ZFAND3: variants seen among roughly 807,000 people sequenced by gnomAD.
The protein encoded by ZFAND3 is AN1-type zinc finger protein 3.
A neutral mutation model predicts 29.6 loss-of-function variants in ZFAND3; 10 were observed. That is an observed-to-expected ratio of 0.34 (90% CI 0.21 to 0.57). The LOEUF is 0.57. Ranked by LOEUF, ZFAND3 falls within the 20% of genes least tolerant of loss-of-function variation. The pLI is 0.86. For missense variants in ZFAND3, 230 were observed against 304.5 expected (o/e 0.76, Z 1.82); for synonymous variants, 128 against 112.6 (o/e 1.14, Z -0.87).
chr6:37,848,046 A>G (rs1231923548), intron 1 of ZFAND3, among the ~76,000 whole-genome samples: 1 of 152,236 alleles, frequency 6.6e-6, no homozygotes, highest in Non-Finnish European at 1.5e-5. Context: ...TGGAACCTCA[A>G]CTGAGAAAGG....
intron 1 of ZFAND3, among the ~76,000 whole-genome samples, chr6:37,873,111 C>CAAAA (rs754495678): frequency 9.2e-5 from 14 of 151,936 alleles, no homozygotes; most frequent in African/African-American, 1.2e-4. Context: ...CAAAAAAAAC[C>CAAAA]CCCCAAAAAA....
At chr6:37,844,851 A>T (rs969871473) in intron 1 of ZFAND3, among the ~76,000 whole-genome samples, 2 of 135,490 alleles carry the variant, frequency 1.5e-5, no homozygotes, top group African/African-American at 5.7e-5. Flanking sequence ...CGTCTCTACT[A>T]AAAAAAAAAA....
intron 2 of ZFAND3, among the ~76,000 whole-genome samples, chr6:37,973,347 A>G (rs1000833293): frequency 3.9e-5 from 6 of 152,218 alleles, no homozygotes; most frequent in Non-Finnish European, 4.4e-5. Flanking sequence ...TTTAAAAAGC[A>G]TGGATTCATA....
intron 4 of ZFAND3, among the ~76,000 whole-genome samples, chr6:38,093,222 G>C (rs1007976107): frequency 4.6e-5 from 7 of 152,328 alleles, no homozygotes; most frequent in Admixed American, 6.5e-5. Context: ...CAGTGGAATA[G>C]AGAAAGAGAG....
At chr6:38,014,620 GC>G (rs1763222620) in intron 2 of ZFAND3, among the ~76,000 whole-genome samples, 1 of 152,102 alleles carries the variant, frequency 6.6e-6, no homozygotes, top group African/African-American at 2.4e-5. Context: ...AGCCACCATG[GC>G]CAGCCCTAGA....
At chr6:38,029,577 A>T (rs1763510436) in intron 2 of ZFAND3, among the ~76,000 whole-genome samples, 1 of 152,206 alleles carries the variant, frequency 6.6e-6, no homozygotes, top group African/African-American at 2.4e-5. Flanking sequence ...ATGGACACAT[A>T]GCCAAAACAT....
At chr6:38,026,183 T>C (rs1441282405) in intron 2 of ZFAND3, among the ~76,000 whole-genome samples, 1 of 152,164 alleles carries the variant, frequency 6.6e-6, no homozygotes, top group Non-Finnish European at 1.5e-5. Flanking sequence ...CTAAATACAC[T>C]TACATCCAGT....
chr6:38,129,587 C>T (rs879362871), intron 5 of ZFAND3, among the ~76,000 whole-genome samples: 6 of 152,156 alleles, frequency 3.9e-5, no homozygotes, highest in Non-Finnish European at 8.8e-5. Context: ...GGTGTCCTTT[C>T]ACCACTTTAT....
At chr6:37,820,782 C>G (rs979118559) in intron 1 of ZFAND3, among the ~76,000 whole-genome samples, 1 of 152,136 alleles carries the variant, frequency 6.6e-6, no homozygotes, top group Non-Finnish European at 1.5e-5. Context: ...AAAATGTTGA[C>G]AGTGGGTAGC....
intron 1 of ZFAND3, among the ~76,000 whole-genome samples, chr6:37,877,432 A>C (rs1348757912): frequency 1.3e-5 from 2 of 152,170 alleles, no homozygotes; most frequent in Non-Finnish European, 1.5e-5. Context: ...AGGAGTCCAG[A>C]CGAGATAATG....
chr6:37,846,277 C>G (rs1764175810), intron 1 of ZFAND3, among the ~76,000 whole-genome samples: 1 of 152,078 alleles, frequency 6.6e-6, no homozygotes, highest in Non-Finnish European at 1.5e-5. Context: ...CCACTAAGAA[C>G]CCAAGCCTTA....
At chr6:37,990,217 G>A (rs1022367501) in intron 2 of ZFAND3, among the ~76,000 whole-genome samples, 1 of 152,100 alleles carries the variant, frequency 6.6e-6, no homozygotes, top group African/African-American at 2.4e-5. Flanking sequence ...TGATAGTCCT[G>A]GACAATACTT....
rs538304796 is a variant in ZFAND3, at chr6:37,893,085, G to A, written c.72-36874G>A. Among the ~76,000 whole-genome samples, 17 of 151,936 alleles carry A rather than the reference G, an allele frequency of 1.1e-4. 1 individual carries two copies. Among genetic ancestry groups the A allele is most frequent in the Non-Finnish European group, 2.4e-4 (16 of 67,968 alleles). On this transcript the variant is annotated intron_variant, in intron 1 of 5. Coordinates refer to ENST00000287218, the MANE Select transcript of ZFAND3 (RefSeq NM_021943.3). ...TGCACACACACACGTTTAGGAGGAA[G>A]CACTTCCCAACTCATGAGGCCATTA...
chr6:37,878,489 G>A (rs1390521216), intron 1 of ZFAND3, among the ~76,000 whole-genome samples: 1 of 151,940 alleles, frequency 6.6e-6, no homozygotes, highest in Non-Finnish European at 1.5e-5. Flanking sequence ...AGGGCTTGAT[G>A]TAGCTCTGAG....
chr6:38,032,200 A>G (rs1043407819), intron 2 of ZFAND3, among the ~76,000 whole-genome samples: 2 of 152,226 alleles, frequency 1.3e-5, no homozygotes, highest in African/African-American at 4.8e-5. Context: ...TAGTAATACT[A>G]TTATAGATTA....
chr6:38,112,853 C>T (rs1765346566), intron 4 of ZFAND3, among the ~76,000 whole-genome samples: 1 of 152,126 alleles, frequency 6.6e-6, no homozygotes, highest in Admixed American at 6.6e-5. Context: ...ATTTCTTATG[C>T]AAGTGAGGAT....
At chr6:38,100,400 G>A (rs1020536765) in intron 4 of ZFAND3, among the ~76,000 whole-genome samples, 1 of 152,166 alleles carries the variant, frequency 6.6e-6, no homozygotes, top group Non-Finnish European at 1.5e-5. Context: ...CATATCTTAA[G>A]GTCTTGGTCA....
intron 5 of ZFAND3, among the ~76,000 whole-genome samples, chr6:38,127,683 T>A (rs904635624): frequency 1.1e-4 from 17 of 152,246 alleles, no homozygotes; most frequent in Non-Finnish European, 2.5e-4. Context: ...AGTAATCATT[T>A]AGTCTCATCT....
At chr6:37,926,310 A>G (rs913255873) in intron 1 of ZFAND3, among the ~76,000 whole-genome samples, 20 of 152,254 alleles carry the variant, frequency 1.3e-4, no homozygotes, top group African/African-American at 4.8e-4. Context: ...TCTGGAGACT[A>G]GAAGTCCAAG....
Sources: allele counts gnomAD v4.1 joint callset (sites outside exome capture counted in the v4.1 genomes callset), GRCh38; gene constraint gnomAD v4.1.1; transcripts MANE v1.5; gene names NCBI Gene and HGNC (gene_info 2026-07-23, HGNC 2026-07-21).